MIR2052HG: variants seen among roughly 807,000 people sequenced by gnomAD.
MIR2052HG encodes the protein MIR2052 host gene.
chr8:74,723,167 A>G (rs956469080), intron 4 of MIR2052HG, among the ~76,000 whole-genome samples: 2 of 152,234 alleles, frequency 1.3e-5, no homozygotes, highest in African/African-American at 4.8e-5. Context: ...TTTGACAATA[A>G]TTATCACTCT....
At chr8:74,701,098 C>T (rs1233964111) in intron 2 of MIR2052HG, among the ~76,000 whole-genome samples, 1 of 152,044 alleles carries the variant, frequency 6.6e-6, no homozygotes, top group African/African-American at 2.4e-5. Flanking sequence ...GACACAGTTG[C>T]TTAGAGAATA....
At chr8:74,755,363 T>A (rs538704928) in intron 5 of MIR2052HG, among the ~76,000 whole-genome samples, 15 of 152,338 alleles carry the variant, frequency 9.8e-5, no homozygotes, top group Admixed American at 9.2e-4. Flanking sequence ...CTAAAAAGAT[T>A]AGACTGTTAA....
chr8:74,664,090 C>CA (rs1255167520), intron 2 of MIR2052HG, among the ~76,000 whole-genome samples: 7 of 151,672 alleles, frequency 4.6e-5, no homozygotes, highest in Non-Finnish European at 7.4e-5. Context: ...CAAAGGCATG[C>CA]AGAGTGGAAT....
At chr8:74,609,093 A>T (rs1428809436) in intron 1 of MIR2052HG, among the ~76,000 whole-genome samples, 1 of 152,040 alleles carries the variant, frequency 6.6e-6, no homozygotes, top group East Asian at 1.9e-4. Flanking sequence ...GCAAATTACC[A>T]GTGTCAGGAA....
At chr8:74,667,160 A>T (rs7815907) in intron 2 of MIR2052HG, among the ~76,000 whole-genome samples, 3,575 of 152,218 alleles carry the variant, frequency 0.023, 142 homozygotes, top group African/African-American at 0.082. Flanking sequence ...GTCAAAGGGG[A>T]CAGGAGCTCA....
chr8:74,606,601 A>T (rs1221832078), intron 1 of MIR2052HG, among the ~76,000 whole-genome samples: 1 of 152,210 alleles, frequency 6.6e-6, no homozygotes, highest in East Asian at 1.9e-4. Context: ...TTTATACAAT[A>T]GTTCTCACTT....
intron 4 of MIR2052HG, among the ~76,000 whole-genome samples, chr8:74,725,078 A>T (rs1809620150): frequency 6.6e-6 from 1 of 152,250 alleles, no homozygotes; most frequent in African/African-American, 2.4e-5. Flanking sequence ...AAAGAAGAAT[A>T]GAAGAATATA....
At chr8:74,720,250 G>A (rs952800879) in intron 4 of MIR2052HG, among the ~76,000 whole-genome samples, 2 of 152,068 alleles carry the variant, frequency 1.3e-5, no homozygotes, top group African/African-American at 4.8e-5. Flanking sequence ...CGAACTCTCA[G>A]TCAACTTAGA....
intron 2 of MIR2052HG, among the ~76,000 whole-genome samples, chr8:74,629,950 T>G (rs1586897059): frequency 6.6e-6 from 1 of 152,284 alleles, no homozygotes; most frequent in Admixed American, 6.5e-5. Context: ...CCAGCCAGGC[T>G]TTCTCCAAAT....
At chr8:74,748,548 T>C (rs1260016739) in intron 4 of MIR2052HG, among the ~76,000 whole-genome samples, 3 of 152,246 alleles carry the variant, frequency 2.0e-5, no homozygotes, top group Admixed American at 6.5e-5. Flanking sequence ...GTTATTTTTA[T>C]GTTAAGTATG....
intron 4 of MIR2052HG, among the ~76,000 whole-genome samples, chr8:74,740,547 C>T (rs1012081387): frequency 6.6e-6 from 1 of 152,106 alleles, no homozygotes; most frequent in Non-Finnish European, 1.5e-5. Flanking sequence ...ATGGATCCTG[C>T]CCTTGAGTAG....
chr8:74,609,933 T>C (rs1376194558), intron 1 of MIR2052HG: 2 of 151,428 alleles, frequency 1.3e-5, no homozygotes, highest in African/African-American at 4.8e-5. Flanking sequence ...GTATTTAACA[T>C]TATATCGAAA....
intron 2 of MIR2052HG, among the ~76,000 whole-genome samples, chr8:74,647,048 C>T (rs1413897691): frequency 6.6e-6 from 1 of 152,170 alleles, no homozygotes; most frequent in Non-Finnish European, 1.5e-5. Flanking sequence ...GGTGTCTTAT[C>T]AGTCTGTGTG....
At chr8:74,663,054 A>G (rs1229615666) in intron 2 of MIR2052HG, among the ~76,000 whole-genome samples, 1 of 152,196 alleles carries the variant, frequency 6.6e-6, no homozygotes, top group Non-Finnish European at 1.5e-5. Context: ...TTGAATTAAT[A>G]AATAAACTAT....
chr8:74,670,953 G>A (rs764265363), intron 2 of MIR2052HG, among the ~76,000 whole-genome samples: 7 of 138,374 alleles, frequency 5.1e-5, no homozygotes, highest in Non-Finnish European at 7.9e-5. Context: ...CATTTATTTT[G>A]TCACTATTTC....
intron 4 of MIR2052HG, among the ~76,000 whole-genome samples, chr8:74,748,894 TC>T (rs1391913570): frequency 6.6e-6 from 1 of 152,216 alleles, no homozygotes; most frequent in East Asian, 1.9e-4. Flanking sequence ...AATTATGCTC[TC>T]ATCATATTGA....
intron 4 of MIR2052HG, among the ~76,000 whole-genome samples, chr8:74,712,170 T>C (rs534555614): frequency 6.6e-6 from 1 of 152,330 alleles, no homozygotes; most frequent in East Asian, 1.9e-4. Context: ...AGAATAGTGG[T>C]AATACCCACT....
chr8:74,617,827 G>T lies in MIR2052HG; in HGVS notation n.216+4887G>T, dbSNP rs576247066. 1.2e-4 allele frequency among the ~76,000 whole-genome samples: 19 copies of T among 152,286 alleles called. 1 individual carries two copies. In the South Asian group the frequency reaches 3.9e-3, roughly 32 times the overall value. ...ACTAGTTTACATTCCCACCAACAGT[G>T]CATAAGCATTCCATTTTCTCCACAT... On this transcript the variant is annotated intron_variant and non_coding_transcript_variant, in intron 2 of 6. Coordinates refer to ENST00000523442, the Ensembl canonical transcript of MIR2052HG.
At chr8:74,639,848 A>G (rs548708583) in intron 2 of MIR2052HG, among the ~76,000 whole-genome samples, 1 of 152,242 alleles carries the variant, frequency 6.6e-6, no homozygotes, top group African/African-American at 2.4e-5. Flanking sequence ...GTAAGCAATA[A>G]TAGAGCTGAT....
Sources: gnomAD v4.1 joint callset for allele counts (sites outside exome capture counted in the v4.1 genomes callset) on GRCh38, gnomAD v4.1.1 for gene constraint, MANE v1.5 for transcripts, NCBI Gene and HGNC (gene_info 2026-07-23, HGNC 2026-07-21) for gene names.